Variants in RPL13A observed in about 807,000 individuals in gnomAD.
RPL13A encodes the protein ribosomal protein L13a.
In RPL13A, 4 loss-of-function variants were observed where a neutral mutation model predicts 30.8. The ratio of observed to expected loss-of-function variants is 0.13; its 90% CI spans 0.06 to 0.30. The LOEUF (loss-of-function observed/expected upper bound fraction) is 0.30, where lower values mean the gene tolerates loss of function less well. Among genes scored for constraint, RPL13A ranks in the 10% least tolerant of loss-of-function variants. The pLI is 1.00. For missense variants in RPL13A, 196 were observed against 272.6 expected (o/e 0.72, Z 1.98); for synonymous variants, 108 against 104.2 (o/e 1.04, Z -0.22).
intron 1 of RPL13A, 70 bp from the exon 2 acceptor site, chr19:49,489,780 G>T: frequency 8.0e-7 from 1 of 1,251,996 alleles, no homozygotes; most frequent in Non-Finnish European, 1.2e-6. Context: ...CAAAAGAAGG[G>T]AATGCTTGCT....
chr19:49,490,111 T>C, intron 2 of RPL13A, 121 bp from the exon 3 acceptor site: 2 of 1,129,456 alleles, frequency 1.8e-6, no homozygotes, highest in South Asian at 1.2e-5. Context: ...ATTAGGCTAG[T>C]TTTTCATTTA....
intron 7 of RPL13A, 24 bp downstream of exon 7, chr19:49,491,571 G>C (rs952285850): frequency 3.2e-6 from 5 of 1,553,724 alleles, no homozygotes; most frequent in Non-Finnish European, 3.5e-6. Flanking sequence ...CTGGTGCTGA[G>C]GGGGGCATCT....
chr19:49,491,607 C>T, intron 7 of RPL13A, 60 bp downstream of exon 7: 1 of 1,556,750 alleles, frequency 6.4e-7, no homozygotes, highest in South Asian at 1.2e-5. Flanking sequence ...CTGGCAGGTG[C>T]CTTGCTCACA....
rs749613296 is a variant in RPL13A at position 49,491,405 on chromosome 19, C to T, written c.403-20C>T. 6.9e-5 allele frequency: 13 copies of T among 187,708 alleles called. No homozygotes were observed. Among genetic ancestry groups the T allele is most frequent in the South Asian group, 3.1e-4 (9 of 28,592 alleles). The allele number at this position is 187,708 out of a possible 1,614,324, so 11.6% of individuals were successfully genotyped here. A position where few individuals can be genotyped will look rare whatever the true frequency, so the allele number is the denominator to read the frequency against. ...ATCCTTACAACTTCATTTGTTCACC[C>T]CCCCCCCCCCCCCCCGCAGTTTGCC... On this transcript the variant is annotated intron_variant, in intron 6 of 7. Transcript: ENST00000391857.
At position 49,488,660 on chromosome 19, in the gene RPL13A, A is replaced by G. The variant is rs551602092; in HGVS notation, c.15+1016A>G. On this transcript the variant is annotated intron_variant, in intron 1 of 7. Transcript: ENST00000391857. ...CAACGCTTACAAAGCATGTGTAACA[A>G]CCAGTGTGTGCTTCATGCTTTTGCA... 7.9e-5 allele frequency among the ~76,000 whole-genome samples: 12 copies of G among 152,370 alleles called. No homozygotes were observed. In the East Asian group the frequency reaches 2.1e-3, roughly 27 times the overall value.
chr19:49,491,970 C>G lies in RPL13A; in HGVS notation c.*155C>G. The G allele has an allele frequency of 1.6e-6, 1 of 616,904 alleles. No individual in the cohort carries two copies. The highest frequency in any genetic ancestry group is 2.9e-6 in the Non-Finnish European group (1 of 349,978). 38.2% of individuals were successfully genotyped at this position (616,904 alleles called of 1,614,324 possible). On this transcript the variant is annotated 3_prime_UTR_variant, in exon 8 of 8. Coordinates refer to ENST00000391857, the MANE Select transcript of RPL13A (RefSeq NM_012423.4). ...GCAAGGAAAGGGTCTTAGTCACTGC[C>G]TCCCGAAGTTGCTTGAAAGCACTCG...
At position 49,490,272 on chromosome 19, in the gene RPL13A, T is replaced by A. The variant is rs2079852336; in HGVS notation, c.129T>A (p.Ile43=). 6.2e-7 allele frequency: 1 copy of A among 1,614,154 alleles called. No individual in the cohort carries two copies. Residue 43 remains isoleucine, a synonymous_variant, in exon 3 of 8, where the codon ATT becomes ATA. Coordinates refer to ENST00000391857, the MANE Select transcript of RPL13A (RefSeq NM_012423.4). ...TCGTACGCTGTGAAGGCATCAACAT[T>A]TCTGGCAATTTCTACAGAAACAAGT... ...VVVVRCEGIN[I]SGNFYRNKLK...
chr19:49,491,405 C>CG lies in RPL13A; in HGVS notation c.403-20_403-19insG. The CG allele has an allele frequency of 5.3e-6, 1 of 187,714 alleles. No individual in the cohort carries two copies. The highest frequency in any genetic ancestry group is 1.0e-5 in the Non-Finnish European group (1 of 100,438). The allele number at this position is 187,714 out of a possible 1,614,324, so 11.6% of individuals were successfully genotyped here. On this transcript the variant is annotated intron_variant, in intron 6 of 7. Coordinates refer to ENST00000391857, the MANE Select transcript of RPL13A (RefSeq NM_012423.4). ...ATCCTTACAACTTCATTTGTTCACC[C>CG]CCCCCCCCCCCCCCCGCAGTTTGCC...
intron 1 of RPL13A, among the ~76,000 whole-genome samples, chr19:49,487,941 T>C (rs2079823265): frequency 6.6e-6 from 1 of 151,896 alleles, no homozygotes; most frequent in South Asian, 2.1e-4. Flanking sequence ...GTGGGGGCCC[T>C]GGGGTAGAGT....
chr19:49,487,653 TCCGCGCGGGC>T lies in RPL13A; in HGVS notation c.15+11_15+20del. On this transcript the variant is annotated intron_variant, in intron 1 of 7. Transcript: ENST00000391857. ...AGATGGCGGAGGTGCAGGTATGGGC[TCCGCGCGGGC>T]CGGGGCGGCAAGGGGCCGGGTGGGA... 2 of 1,547,304 alleles carry T rather than the reference TCCGCGCGGGC, an allele frequency of 1.3e-6. No homozygotes were observed. The highest frequency in any genetic ancestry group is 1.7e-6 in the Non-Finnish European group (2 of 1,148,964).
intron 4 of RPL13A, 40 bp downstream of exon 4, chr19:49,490,616 C>T (rs752726204): frequency 4.0e-5 from 64 of 1,601,580 alleles, no homozygotes; most frequent in Non-Finnish European, 5.5e-5. Flanking sequence ...GACGGGCAGG[C>T]GGCCGGTGAT....
At chr19:49,490,718 T>A in intron 4 of RPL13A, 61 bp from the exon 5 acceptor site, 1 of 1,587,510 alleles carries the variant, frequency 6.3e-7, no homozygotes. Context: ...CCCACCTCAG[T>A]GGGGTGGGTG....
At position 49,490,837 on chromosome 19, in the gene RPL13A, T is replaced by A. The variant is rs1024676686; in HGVS notation, c.315T>A (p.Phe105Leu). 6.2e-7 allele frequency: 1 copy of A among 1,614,104 alleles called. No individual in the cohort carries two copies. The highest frequency in any genetic ancestry group is 1.3e-5 in the African/African-American group (1 of 75,054). The change falls in exon 5 of 8, where the codon TTT becomes TTA. Residue 105 changes from phenylalanine to leucine, a missense_variant. Physicochemically the swap from Phe to Leu is conservative, Grantham distance 22. Transcript: ENST00000391857. ...GQAALDRLKV[F>L]DGIPPPYDKK... ...CCGCTCTGGACCGTCTCAAGGTGTTTGACGGCATCCCACCGCCCTACGACA... is the reference window on the plus strand; with the variant it reads ...CCGCTCTGGACCGTCTCAAGGTGTTAGACGGCATCCCACCGCCCTACGACA...
At chr19:49,490,157 T>C (rs929193709) in intron 2 of RPL13A, 75 bp from the exon 3 acceptor site, 6 of 1,388,116 alleles carry the variant, frequency 4.3e-6, no homozygotes, top group Non-Finnish European at 6.2e-6. Context: ...CTGCGCTGTG[T>C]CTGGAGGGTG....
intron 4 of RPL13A, 54 bp from the exon 5 acceptor site, chr19:49,490,725 G>A (rs761788705): frequency 1.2e-6 from 2 of 1,601,532 alleles, no homozygotes; most frequent in Admixed American, 1.7e-5. Context: ...CAGTGGGGTG[G>A]GTGGGCATCC....
At position 49,490,297 on chromosome 19, in the gene RPL13A, T is replaced by C. The variant is rs761065007; in HGVS notation, c.154T>C (p.Leu52=). The C allele has an allele frequency of 5.2e-5, 84 of 1,613,716 alleles. 1 individual carries two copies. In the South Asian group the frequency reaches 8.5e-4, roughly 16 times the overall value. The change falls in exon 3 of 8, where the codon TTG becomes CTG. Residue 52 remains leucine (L), a splice_region_variant and synonymous_variant. Coordinates refer to ENST00000391857, the MANE Select transcript of RPL13A (RefSeq NM_012423.4). The part of the protein sequence containing the change: ...NISGNFYRNK[L]KYLAFLRKRM... ...TTCTGGCAATTTCTACAGAAACAAG[T>C]GTAAGTTAGGACCTGGGAGGAGCAC...
In RPL13A at chr19:49,491,933, A is replaced by C; in HGVS notation, c.*118A>C. 1 of 775,122 alleles carries C rather than the reference A, an allele frequency of 1.3e-6. No homozygotes were observed. The highest frequency in any genetic ancestry group is 2.1e-6 in the Non-Finnish European group (1 of 472,802). 48.0% of individuals were successfully genotyped at this position (775,122 alleles called of 1,614,324 possible). On this transcript the variant is annotated 3_prime_UTR_variant, in exon 8 of 8. Coordinates refer to ENST00000391857, the MANE Select transcript of RPL13A (RefSeq NM_012423.4). Reference sequence around the variant, plus strand: ...GGTGCCACAGGCAGCCCTGGGACATAGGAAGCTGGGAGCAAGGAAAGGGTC... The same window carrying C: ...GGTGCCACAGGCAGCCCTGGGACATCGGAAGCTGGGAGCAAGGAAAGGGTC...
At chr19:49,489,989 C>T (rs2079848497) in intron 2 of RPL13A, 67 bp downstream of exon 2, 1 of 1,300,452 alleles carries the variant, frequency 7.7e-7, no homozygotes, top group South Asian at 1.2e-5. Context: ...GCAACATTCA[C>T]CATCTTTCGT....
At chr19:49,490,924 A>G (rs527895429) in intron 5 of RPL13A, 60 bp downstream of exon 5, 2 of 1,605,816 alleles carry the variant, frequency 1.2e-6, no homozygotes, top group South Asian at 1.1e-5. Flanking sequence ...GATGTTCCGC[A>G]ACTACCTACA....
Sources: gnomAD v4.1 joint callset for allele counts (sites outside exome capture counted in the v4.1 genomes callset) on GRCh38, gnomAD v4.1.1 for gene constraint, MANE v1.5 for transcripts, NCBI Gene and HGNC (gene_info 2026-07-23, HGNC 2026-07-21) for gene names.